Variants in DPYD observed in about 807,000 individuals in gnomAD.
The protein encoded by DPYD is dihydropyrimidine dehydrogenase [NADP(+)].
Under a neutral mutation model 116.2 loss-of-function variants are expected in DPYD, and 109 were observed. The ratio of observed to expected loss-of-function variants is 0.94; its 90% CI spans 0.80 to 1.10. The LOEUF is 1.10. Among genes scored for constraint, DPYD ranks in the 50% least tolerant of loss-of-function variants. The probability of loss-of-function intolerance (pLI) is 0.00; values close to 1 mark genes in which losing one functional copy is unlikely to be tolerated. For synonymous variants in DPYD, 440 were observed against 432.0 expected, an observed-to-expected ratio of 1.02 and a Z score of -0.23; for missense variants, 1,302 against 1,254.5, an observed-to-expected ratio of 1.04 and a Z score of -0.57.
chr1:97,776,614 T>C (rs1161348031), intron 3 of DPYD, among the ~76,000 whole-genome samples: 2 of 152,144 alleles, frequency 1.3e-5, no homozygotes, highest in Non-Finnish European at 2.9e-5. Flanking sequence ...GAAGAAGAAG[T>C]AGTGGAGACC....
intron 14 of DPYD, among the ~76,000 whole-genome samples, chr1:97,401,274 A>G (rs1356832281): frequency 6.6e-6 from 1 of 151,848 alleles, no homozygotes; most frequent in Admixed American, 6.6e-5. Flanking sequence ...TTGTCTTCTC[A>G]TTCTCTTGAC....
chr1:97,152,529 A>T (rs74982107), intron 20 of DPYD, among the ~76,000 whole-genome samples: 1 of 151,394 alleles, frequency 6.6e-6, no homozygotes, highest in Non-Finnish European at 1.5e-5. Context: ...AATATCTATA[A>T]ATATATCTAT....
chr1:97,110,648 T>G (rs1651523499), intron 20 of DPYD, among the ~76,000 whole-genome samples: 1 of 152,092 alleles, frequency 6.6e-6, no homozygotes, highest in Non-Finnish European at 1.5e-5. Context: ...TCAAACTTCT[T>G]TTAAGCATTT....
At chr1:97,292,218 T>A (rs117744188) in intron 18 of DPYD, among the ~76,000 whole-genome samples, 1 of 152,262 alleles carries the variant, frequency 6.6e-6, no homozygotes, top group East Asian at 1.9e-4. Flanking sequence ...TCTGCTGTAT[T>A]ATAAGCTACA....
intron 4 of DPYD, among the ~76,000 whole-genome samples, chr1:97,739,236 T>A (rs1273618853): frequency 6.6e-6 from 1 of 152,176 alleles, no homozygotes; most frequent in African/African-American, 2.4e-5. Flanking sequence ...GGGAAACTAA[T>A]AATTCCACAT....
chr1:97,294,724 T>C (rs1430334999), intron 18 of DPYD, among the ~76,000 whole-genome samples: 3 of 152,318 alleles, frequency 2.0e-5, no homozygotes, highest in African/African-American at 7.2e-5. Context: ...TATTACTATA[T>C]TGATGGCAGC....
chr1:97,685,534 G>C (rs1453803447), intron 7 of DPYD, among the ~76,000 whole-genome samples: 1 of 152,112 alleles, frequency 6.6e-6, no homozygotes, highest in Non-Finnish European at 1.5e-5. Flanking sequence ...ATTCAAATAG[G>C]AAAAGAGGAA....
Position 97,705,582 on chromosome 1 carries a change from C to T in DPYD, c.484-6035G>A, listed in dbSNP as rs577725602. ...AAGTCTTTGCTATTGTGAATAGTGC[C>T]GCAATAAACATACGTGTGCATGTGT... On this transcript the variant is annotated intron_variant, in intron 5 of 22. Coordinates refer to ENST00000370192, the MANE Select transcript of DPYD (RefSeq NM_000110.4). Among the ~76,000 whole-genome samples, 32 of 151,820 alleles carry T rather than the reference C, an allele frequency of 2.1e-4. No homozygotes were observed. In the East Asian group the frequency reaches 5.1e-3, roughly 24 times the overall value.
rs538815720 is a variant in DPYD at position 97,615,707 on chromosome 1, A to G, written c.851-20541T>C. Reference sequence around the variant, plus strand: ...GTATCATTCCCCATCATGCTGGCAGATAAGTTTTTCTAAAATGAAAAATTC... The same window carrying G: ...GTATCATTCCCCATCATGCTGGCAGGTAAGTTTTTCTAAAATGAAAAATTC... On this transcript the variant is annotated intron_variant, in intron 8 of 22. Transcript: ENST00000370192. Among the ~76,000 whole-genome samples, 3 of 152,250 alleles carry G rather than the reference A, an allele frequency of 2.0e-5. No homozygotes were observed. The East Asian group carries it at 5.8e-4, about 29-fold the overall frequency.
chr1:97,679,108 A>T lies in DPYD; in HGVS notation c.837T>A (p.Ala279=). The part of the protein sequence containing the change: ...STLKEKGYKA[A]FIGIGLPEPN... ...TAAACTACTCACCTATTCCAATGAA[A>T]GCAGCTTTGTAGCCTTTTTCTTTCA... Residue 279 remains alanine (A), a synonymous_variant, in exon 8 of 23, where the codon GCT becomes GCA. Transcript: ENST00000370192. 2 of 1,566,392 alleles carry T rather than the reference A, an allele frequency of 1.3e-6. No individual in the cohort carries two copies. The highest frequency in any genetic ancestry group is 1.7e-6 in the Non-Finnish European group (2 of 1,147,918).
chr1:97,520,886 T>G (rs1648605564), intron 12 of DPYD, among the ~76,000 whole-genome samples: 2 of 152,114 alleles, frequency 1.3e-5, no homozygotes, highest in Non-Finnish European at 2.9e-5. Flanking sequence ...TGATGGGCAT[T>G]TGGGTTGGTT....
intron 18 of DPYD, 137 bp downstream of exon 18, chr1:97,305,122 A>C: frequency 7.8e-7 from 1 of 1,284,512 alleles, no homozygotes; most frequent in Non-Finnish European, 1.1e-6. Context: ...CCGTTCTGTC[A>C]TAACTATTAG....
At chr1:97,672,026 C>A (rs1487956552) in intron 8 of DPYD, among the ~76,000 whole-genome samples, 3 of 149,896 alleles carry the variant, frequency 2.0e-5, no homozygotes, top group Non-Finnish European at 4.4e-5. Context: ...CTCACGGCAA[C>A]CTCCCCTTCC....
intron 18 of DPYD, among the ~76,000 whole-genome samples, chr1:97,287,635 G>A (rs764233970): frequency 2.7e-4 from 41 of 152,088 alleles, no homozygotes; most frequent in African/African-American, 9.2e-4. Context: ...GGGTAATGGC[G>A]AGCACCCCTC....
At chr1:97,806,202 T>C (rs564476174) in intron 3 of DPYD, among the ~76,000 whole-genome samples, 1 of 151,998 alleles carries the variant, frequency 6.6e-6, no homozygotes, top group South Asian at 2.1e-4. Flanking sequence ...AAAATCAAGT[T>C]TCAAAATATA....
intron 15 of DPYD, among the ~76,000 whole-genome samples, chr1:97,375,477 G>A (rs923926877): frequency 2.6e-5 from 4 of 152,124 alleles, no homozygotes; most frequent in Non-Finnish European, 5.9e-5. Flanking sequence ...CATTGAGCCT[G>A]TTTTTAACAT....
At chr1:97,471,848 C>T (rs1338246031) in intron 13 of DPYD, among the ~76,000 whole-genome samples, 1 of 152,190 alleles carries the variant, frequency 6.6e-6, no homozygotes. Context: ...TCTCGGCCTC[C>T]CAAAGTGCTG....
intron 1 of DPYD, among the ~76,000 whole-genome samples, chr1:97,889,601 A>G (rs1672677097): frequency 6.6e-6 from 1 of 152,078 alleles, no homozygotes; most frequent in Admixed American, 6.6e-5. Context: ...GTGCCTAACA[A>G]CAAGGCCCAA....
At chr1:97,864,504 G>A (rs1009248901) in intron 2 of DPYD, among the ~76,000 whole-genome samples, 2 of 151,662 alleles carry the variant, frequency 1.3e-5, no homozygotes, top group Admixed American at 1.3e-4. Flanking sequence ...AGTCTAGTAG[G>A]CATCTCTCTC....
Sources: allele counts gnomAD v4.1 joint callset (sites outside exome capture counted in the v4.1 genomes callset), GRCh38; gene constraint gnomAD v4.1.1; transcripts MANE v1.5; gene names NCBI Gene and HGNC (gene_info 2026-07-23, HGNC 2026-07-21).